MRTFB: variants seen among roughly 807,000 people sequenced by gnomAD.
MRTFB encodes the protein myocardin related transcription factor B.
A neutral mutation model predicts 104.2 loss-of-function variants in MRTFB; 29 were observed. The observed-to-expected ratio is 0.28, with a 90% CI of 0.21 to 0.38. The LOEUF is 0.38. Among genes scored for constraint, MRTFB ranks in the 10% least tolerant of loss-of-function variants. MRTFB has a pLI of 1.00. For missense variants in MRTFB, 1,270 were observed against 1,341.6 expected (o/e 0.95, Z 0.83); for synonymous variants, 535 against 519.5 (o/e 1.03, Z -0.41).
the MRTFB span, among the ~76,000 whole-genome samples, chr16:14,042,286 G>A: frequency 1.3e-4 from 19 of 151,996 alleles, no homozygotes; most frequent in South Asian, 1.5e-3. Context: ...CCACCACGCC[G>A]GGCTAAGTTT....
At position 14,246,843 on chromosome 16, in the gene MRTFB, A is replaced by C; in HGVS notation, c.1583A>C (p.Glu528Ala). ...DDTNMADTFT[E>A]IMTMMSPSQF... ...ACAAACATGGCAGACACTTTCACCG[A>C]GATTATGACCATGATGTCGCCTTCA... Residue 528 changes from glutamate to alanine, a missense_variant, in exon 12 of 17, where the codon GAG (glutamate) becomes GCG (alanine). Physicochemically the swap from Glu to Ala is moderately radical, Grantham distance 107. Around this residue, in one of 3 missense-constraint regions of MRTFB, gnomAD observed 1,144 missense variants for 1,131.5 expected, o/e 1.01. Coordinates refer to ENST00000571589, the MANE Select transcript of MRTFB (RefSeq NM_001308142.2). The C allele has an allele frequency of 6.2e-7, 1 of 1,612,788 alleles. No individual in the cohort carries two copies. The highest frequency in any genetic ancestry group is 8.5e-7 in the Non-Finnish European group (1 of 1,180,034).
chr16:14,156,717 C>T (rs1340772640), intron 3 of MRTFB, among the ~76,000 whole-genome samples: 1 of 152,116 alleles, frequency 6.6e-6, no homozygotes, highest in Non-Finnish European at 1.5e-5. Context: ...ATTATTTTCT[C>T]TTATAGAAAT....
At chr16:14,081,627 T>C (rs1394263544) in intron 2 of MRTFB, among the ~76,000 whole-genome samples, 2 of 151,944 alleles carry the variant, frequency 1.3e-5, no homozygotes, top group African/African-American at 4.8e-5. Flanking sequence ...TCTACCAGGC[T>C]AGAGTGCAGT....
At chr16:14,082,837 T>C (rs1267292404) in intron 2 of MRTFB, among the ~76,000 whole-genome samples, 1 of 152,148 alleles carries the variant, frequency 6.6e-6, no homozygotes, top group Admixed American at 6.5e-5. Flanking sequence ...TTGCTTTGGC[T>C]GTTCATATCC....
chr16:14,245,724 C>A, intron 11 of MRTFB, 64 bp downstream of exon 11: 3 of 1,543,174 alleles, frequency 1.9e-6, no homozygotes, highest in South Asian at 1.2e-5. Flanking sequence ...GATTTGCCAG[C>A]GTTGTCTAGC....
At chr16:14,116,356 T>G (rs1201405553) in intron 2 of MRTFB, among the ~76,000 whole-genome samples, 1 of 152,196 alleles carries the variant, frequency 6.6e-6, no homozygotes, top group African/African-American at 2.4e-5. Context: ...CTAGATTAAG[T>G]ACCCTACCGT....
the MRTFB span, among the ~76,000 whole-genome samples, chr16:14,019,704 A>G: frequency 2.0e-5 from 3 of 152,176 alleles, no homozygotes; most frequent in Non-Finnish European, 2.9e-5. Flanking sequence ...TCTGGAAACC[A>G]TTTCTACATT....
intron 3 of MRTFB, among the ~76,000 whole-genome samples, chr16:14,154,931 C>A (rs1238004267): frequency 1.3e-5 from 2 of 152,136 alleles, no homozygotes; most frequent in African/African-American, 4.8e-5. Flanking sequence ...TGTAGCATTC[C>A]TTAAACTTAA....
At chr16:14,187,450 A>G (rs1474823241) in intron 3 of MRTFB, among the ~76,000 whole-genome samples, 4 of 152,108 alleles carry the variant, frequency 2.6e-5, no homozygotes, top group South Asian at 2.1e-4. Flanking sequence ...TTCAGTTAAG[A>G]TGCTTATGAT....
chr16:14,201,392 T>C (rs1448960288), intron 3 of MRTFB, among the ~76,000 whole-genome samples: 3 of 152,348 alleles, frequency 2.0e-5, no homozygotes, highest in South Asian at 4.1e-4. Flanking sequence ...TGTAGATTGT[T>C]TTCAGGAGAA....
chr16:14,005,979 G>A, the MRTFB span, among the ~76,000 whole-genome samples: 1 of 151,764 alleles, frequency 6.6e-6, no homozygotes, highest in Non-Finnish European at 1.5e-5. Flanking sequence ...AGGCTGAGGC[G>A]GGTGGGTCAC....
Position 14,153,821 on chromosome 16 carries a change from A to G in MRTFB, c.154+13061A>G, listed in dbSNP as rs139523721. Among the ~76,000 whole-genome samples, 384 of 152,290 alleles carry G rather than the reference A, an allele frequency of 2.5e-3. 1 individual carries two copies. The highest frequency in any genetic ancestry group is 8.8e-3 in the African/African-American group (364 of 41,560). On this transcript the variant is annotated intron_variant, in intron 3 of 16. Coordinates refer to ENST00000571589, the MANE Select transcript of MRTFB (RefSeq NM_001308142.2). ...GTCAATTAGGTTCAGTTGATTAATA[A>G]AGTTGTTCAAGTCTTCTATACCTTT...
At chr16:14,062,645 C>T in the MRTFB span, among the ~76,000 whole-genome samples, 38 of 152,204 alleles carry the variant, frequency 2.5e-4, no homozygotes, top group Non-Finnish European at 4.0e-4. Context: ...GATGGAAACG[C>T]GAGCTGGTTT....
chr16:14,029,516 C>T, the MRTFB span, among the ~76,000 whole-genome samples: 7 of 115,582 alleles, frequency 6.1e-5, no homozygotes, highest in East Asian at 2.5e-4. Context: ...CATATATATA[C>T]ACACACACAC....
chr16:14,010,907 C>T, the MRTFB span, among the ~76,000 whole-genome samples: 6 of 152,206 alleles, frequency 3.9e-5, no homozygotes, highest in Admixed American at 1.3e-4. Flanking sequence ...AGCTATAGAA[C>T]ATTTCTGTTA....
the MRTFB span, among the ~76,000 whole-genome samples, chr16:14,033,605 G>A: frequency 6.6e-6 from 1 of 151,968 alleles, no homozygotes; most frequent in Non-Finnish European, 1.5e-5. Flanking sequence ...GGGAGGCTGA[G>A]GCGTGTGGAT....
At chr16:14,036,058 C>T in the MRTFB span, among the ~76,000 whole-genome samples, 1 of 143,340 alleles carries the variant, frequency 7.0e-6, no homozygotes, top group South Asian at 2.2e-4. Context: ...GCCATTAATT[C>T]ATTCCTTTTT....
At chr16:14,079,555 C>G (rs887851814) in intron 2 of MRTFB, among the ~76,000 whole-genome samples, 1 of 152,018 alleles carries the variant, frequency 6.6e-6, no homozygotes, top group African/African-American at 2.4e-5. Flanking sequence ...TCAACCTCTT[C>G]GAATCTAATC....
chr16:14,015,472 T>C, the MRTFB span, among the ~76,000 whole-genome samples: 7 of 152,168 alleles, frequency 4.6e-5, no homozygotes, highest in Non-Finnish European at 8.8e-5. Flanking sequence ...ATAGGGGACC[T>C]GGGACTCCAT....
Sources: gnomAD v4.1 joint callset for allele counts (sites outside exome capture counted in the v4.1 genomes callset) on GRCh38, gnomAD v4.1.1 for gene constraint, gnomAD v4.1.1 regional missense constraint, MANE v1.5 for transcripts, NCBI Gene and HGNC (gene_info 2026-07-23, HGNC 2026-07-21) for gene names.